Variants in CCNK observed in about 807,000 individuals in gnomAD.
CCNK encodes cyclin K.
CCNK carries 9 observed loss-of-function variants against 65.0 expected under a neutral mutation model. The observed-to-expected ratio is 0.14, with a 90% confidence interval of 0.08 to 0.24. The LOEUF is 0.24. Among genes scored for constraint, CCNK ranks in the 10% least tolerant of loss-of-function variants. The pLI, the probability that CCNK is intolerant of heterozygous loss-of-function variation, is 1.00. For missense variants in CCNK, 474 were observed against 720.0 expected, an observed-to-expected ratio of 0.66 and a Z score of 3.91; for synonymous variants, 279 against 270.8, an observed-to-expected ratio of 1.03 and a Z score of -0.30.
chr14:99,511,518 CCTTT>C lies in CCNK; in HGVS notation c.*741_*744del, dbSNP rs1256727190. On this transcript the variant is annotated 3_prime_UTR_variant, in exon 11 of 11. Coordinates refer to ENST00000389879, the MANE Select transcript of CCNK (RefSeq NM_001099402.2). Reference sequence around the variant, plus strand: ...AAATAAAAGCAGTTCTGAAACTATCCCTTTCTTTGTTATGGGTGGAAGGTGGGGC... The same window carrying C: ...AAATAAAAGCAGTTCTGAAACTATCCCTTTGTTATGGGTGGAAGGTGGGGC... 2 of 152,544 alleles carry C rather than the reference CCTTT, an allele frequency of 1.3e-5. No homozygotes were observed. Among genetic ancestry groups the C allele is most frequent in the Non-Finnish European group, 2.9e-5 (2 of 68,046 alleles). 9.4% of individuals were successfully genotyped at this position (152,544 alleles called of 1,614,324 possible). A position where few individuals can be genotyped will look rare whatever the true frequency, so the allele number is the denominator to read the frequency against.
chr14:99,489,126 CAT>C (rs1015577110), intron 1 of CCNK, among the ~76,000 whole-genome samples: 1 of 151,666 alleles, frequency 6.6e-6, no homozygotes, highest in African/African-American at 2.4e-5. Context: ...AAATGGGATA[CAT>C]ATATATATAT....
intron 8 of CCNK, 112 bp downstream of exon 8, chr14:99,503,096 TTC>T (rs1436960198): frequency 1.6e-6 from 2 of 1,264,150 alleles, no homozygotes; most frequent in African/African-American, 2.9e-5. Context: ...GCAGGGGGTG[TTC>T]GCCGAAACTC....
At chr14:99,487,157 C>T (rs986874280) in intron 1 of CCNK, among the ~76,000 whole-genome samples, 1 of 152,220 alleles carries the variant, frequency 6.6e-6, no homozygotes, top group Non-Finnish European at 1.5e-5. Context: ...TGTCCAGTTG[C>T]CTTCTGTTCT....
intron 1 of CCNK, among the ~76,000 whole-genome samples, chr14:99,485,062 A>G (rs1024283704): frequency 3.9e-5 from 6 of 152,180 alleles, no homozygotes; most frequent in Non-Finnish European, 8.8e-5. Context: ...GTAATAGGGA[A>G]CAGGTTTATA....
intron 1 of CCNK, among the ~76,000 whole-genome samples, chr14:99,489,572 TC>T (rs1188928552): frequency 6.6e-6 from 1 of 152,178 alleles, no homozygotes; most frequent in Non-Finnish European, 1.5e-5. Context: ...AATAAATAAT[TC>T]TTTTCAGTTA....
At chr14:99,482,023 G>C (rs1426033391) in intron 1 of CCNK, among the ~76,000 whole-genome samples, 2 of 152,144 alleles carry the variant, frequency 1.3e-5, no homozygotes, top group African/African-American at 2.4e-5. Flanking sequence ...TTACGGACCC[G>C]CTCCTGGTGG....
rs771816459 is a variant in CCNK, at chr14:99,503,065, C to A, written c.1011+81C>A. 19 of 1,466,578 alleles carry A rather than the reference C, an allele frequency of 1.3e-5. No individual in the cohort carries two copies. The African/African-American group carries it at 2.2e-4, about 17-fold the overall frequency. 90.8% of individuals were successfully genotyped at this position (1,466,578 alleles called of 1,614,324 possible). ...CCTGAGCACTGTTCCCATTTCTAAG[C>A]GAGCACAGGGAACACCGGAAGCAGG... On this transcript the variant is annotated intron_variant, in intron 8 of 10. Transcript: ENST00000389879.
intron 1 of CCNK, among the ~76,000 whole-genome samples, chr14:99,491,646 G>A (rs530411539): frequency 6.6e-6 from 1 of 152,298 alleles, no homozygotes; most frequent in South Asian, 2.1e-4. Flanking sequence ...CAGGTGCAAG[G>A]AGGAGAATAT....
In CCNK at chr14:99,511,835, C is replaced by G. The variant is rs990119495; in HGVS notation, c.*1053C>G. 1.3e-5 allele frequency: 2 copies of G among 152,654 alleles called. No homozygotes were observed. The highest frequency in any genetic ancestry group is 3.4e-3 in the Middle Eastern group (1 of 296). 9.5% of individuals were successfully genotyped at this position (152,654 alleles called of 1,614,324 possible). ...GAACCCGGGGGCTTGGATTTGAAAC[C>G]CTTTCCACTTCTGGCCTGTGATGAG... is the stretch of plus-strand genomic sequence containing the variant. On this transcript the variant is annotated 3_prime_UTR_variant, in exon 11 of 11. Transcript: ENST00000389879.
intron 3 of CCNK, 72 bp downstream of exon 3, chr14:99,493,667 T>C: frequency 1.0e-6 from 1 of 1,003,308 alleles, no homozygotes. Context: ...GGACTAATTA[T>C]AAGCTCTATT....
At position 99,493,129 on chromosome 14, in the gene CCNK, AC is replaced by A. The variant is rs1896629358; in HGVS notation, c.197+256del. On this transcript the variant is annotated intron_variant, in intron 2 of 10. Coordinates refer to ENST00000389879, the MANE Select transcript of CCNK (RefSeq NM_001099402.2). ...ATTAGGATCACAGTTGAGGCTGGGC[AC>A]AGTGGCTCATGCCTGTAATCCCAGC... 14 of 481,636 alleles carry A rather than the reference AC, an allele frequency of 2.9e-5. No individual in the cohort carries two copies. In the East Asian group the frequency reaches 5.2e-4, roughly 18 times the overall value. 29.8% of individuals were successfully genotyped at this position (481,636 alleles called of 1,614,324 possible). A position where few individuals can be genotyped will look rare whatever the true frequency, so the allele number is the denominator to read the frequency against.
intron 10 of CCNK, chr14:99,509,768 G>A (rs1283831103): frequency 4.0e-6 from 1 of 252,112 alleles, no homozygotes; most frequent in African/African-American, 2.3e-5. Context: ...CTGCAGACAG[G>A]AGTTCAGTGT....
intron 9 of CCNK, chr14:99,504,533 C>T (rs959187162): frequency 6.6e-6 from 1 of 151,906 alleles, no homozygotes; most frequent in Non-Finnish European, 1.5e-5. Flanking sequence ...TCACCACAAC[C>T]TCCGCCTCCT....
At chr14:99,487,794 G>A (rs1047670179) in intron 1 of CCNK, among the ~76,000 whole-genome samples, 1 of 152,198 alleles carries the variant, frequency 6.6e-6, no homozygotes, top group Non-Finnish European at 1.5e-5. Context: ...AAAACAATCA[G>A]CCATACACTT....
chr14:99,495,375 G>A, intron 3 of CCNK, 123 bp from the exon 4 acceptor site: 3 of 757,502 alleles, frequency 4.0e-6, no homozygotes, highest in Non-Finnish European at 6.0e-6. Context: ...GAGTATTTGT[G>A]AATGATAAAA....
Position 99,507,064 on chromosome 14 carries a change from TTTTC to T in CCNK, c.1046-8_1046-5del. 2 of 1,578,388 alleles carry T rather than the reference TTTTC, an allele frequency of 1.3e-6. No individual in the cohort carries two copies. The highest frequency in any genetic ancestry group is 1.7e-6 in the Non-Finnish European group (2 of 1,147,440). ...AGTATGAGTGGTTTTCTAATCTGCT[TTTTC>T]TTTGTAGAACCACCACCACCTAAAA... On this transcript the variant is annotated splice_polypyrimidine_tract_variant and splice_region_variant and intron_variant, in intron 9 of 10. Transcript: ENST00000389879.
chr14:99,493,790 AGGCCAAT>A (rs2139859279), intron 3 of CCNK, among the ~76,000 whole-genome samples, 195 bp downstream of exon 3: 1 of 152,300 alleles, frequency 6.6e-6, no homozygotes, highest in African/African-American at 2.4e-5. Context: ...CTTTTCACTT[AGGCCAAT>A]ATGGACCATA....
At chr14:99,483,648 T>C (rs1896411747) in intron 1 of CCNK, among the ~76,000 whole-genome samples, 1 of 152,242 alleles carries the variant, frequency 6.6e-6, no homozygotes, top group South Asian at 2.1e-4. Context: ...TTTAAGTTTA[T>C]TTAGGACATA....
chr14:99,501,339 T>C lies in CCNK; in HGVS notation c.518-17T>C. The stretch of plus-strand genomic sequence containing the variant: ...TTTTCTATTGCTATTAATTTACCTT[T>C]TTGTCCCCATTTCTAGGTGATAAAA... On this transcript the variant is annotated splice_polypyrimidine_tract_variant and intron_variant, in intron 5 of 10. Coordinates refer to ENST00000389879, the MANE Select transcript of CCNK (RefSeq NM_001099402.2). 1 of 1,567,570 alleles carries C rather than the reference T, an allele frequency of 6.4e-7. No individual in the cohort carries two copies. Among genetic ancestry groups the C allele is most frequent in the Non-Finnish European group, 8.8e-7 (1 of 1,139,854 alleles).
Sources: gnomAD v4.1 joint callset for allele counts (sites outside exome capture counted in the v4.1 genomes callset) on GRCh38, gnomAD v4.1.1 for gene constraint, MANE v1.5 for transcripts, NCBI Gene and HGNC (gene_info 2026-07-23, HGNC 2026-07-21) for gene names.